Variants in SART3 observed in about 807,000 individuals in gnomAD.
SART3 encodes spliceosome associated factor 3, U4/U6 recycling protein.
In SART3, 44 loss-of-function variants were observed where a neutral mutation model predicts 122.3. The ratio of observed to expected loss-of-function variants is 0.36; its 90% CI spans 0.28 to 0.46. The LOEUF (loss-of-function observed/expected upper bound fraction) is 0.46. Among genes scored for constraint, SART3 ranks in the 20% least tolerant of loss-of-function variants. The pLI is 1.00. For missense variants in SART3, 1,101 were observed against 1,229.0 expected (o/e 0.90, Z 1.56); for synonymous variants, 442 against 454.0 (o/e 0.97, Z 0.34).
chr12:108,541,815 G>C (rs1021107482), intron 6 of SART3, among the ~76,000 whole-genome samples: 4 of 152,056 alleles, frequency 2.6e-5, no homozygotes, highest in African/African-American at 9.7e-5. Context: ...TGGGATTACA[G>C]GCATGAGCCA....
rs996083922 is a variant in SART3 at position 108,522,842 on chromosome 12, A to G, written c.*615T>C. ...AAACAGTCCACAGCAGGTGGCACAA[A>G]TAATTCCTATACAAAACAAATGTTG... On this transcript the variant is annotated 3_prime_UTR_variant, in exon 19 of 19. Transcript: ENST00000546815. 1 of 155,962 alleles carries G rather than the reference A, an allele frequency of 6.4e-6. No individual in the cohort carries two copies. Among genetic ancestry groups the G allele is most frequent in the African/African-American group, 2.4e-5 (1 of 41,482 alleles). 9.7% of individuals were successfully genotyped at this position (155,962 alleles called of 1,614,324 possible).
At chr12:108,529,942 T>C (rs1276173230) in intron 15 of SART3, among the ~76,000 whole-genome samples, 200 bp downstream of exon 15, 2 of 152,172 alleles carry the variant, frequency 1.3e-5, no homozygotes, top group African/African-American at 4.8e-5. Context: ...CCATAGCTCA[T>C]TGCTAACCCC....
chr12:108,536,366 G>A, intron 11 of SART3, 148 bp downstream of exon 11: 1 of 791,954 alleles, frequency 1.3e-6, no homozygotes, highest in Non-Finnish European at 2.2e-6. Context: ...GAATCCTTGT[G>A]GAGCCTAGAC....
chr12:108,560,064 C>T (rs2030426782), intron 1 of SART3, among the ~76,000 whole-genome samples: 1 of 152,174 alleles, frequency 6.6e-6, no homozygotes, highest in African/African-American at 2.4e-5. Context: ...ATTTCCCTAC[C>T]CACACCTTTA....
chr12:108,551,696 A>ATCC (rs1351245216), intron 1 of SART3, among the ~76,000 whole-genome samples: 1 of 152,196 alleles, frequency 6.6e-6, no homozygotes, highest in African/African-American at 2.4e-5. Context: ...CTGAAGCCAT[A>ATCC]TCCTTGGCCA....
intron 6 of SART3, chr12:108,542,657 G>T: frequency 2.9e-6 from 1 of 347,596 alleles, no homozygotes; most frequent in Non-Finnish European, 5.6e-6. Context: ...ATATATAAAA[G>T]TTCAAAAGCA....
chr12:108,540,211 C>T (rs913023243), intron 6 of SART3, among the ~76,000 whole-genome samples: 9 of 152,170 alleles, frequency 5.9e-5, no homozygotes, highest in African/African-American at 2.4e-5. Flanking sequence ...TTATACAAAC[C>T]GCTGACTTCT....
At position 108,549,160 on chromosome 12, in the gene SART3, T is replaced by A. The variant is rs774541010; in HGVS notation, c.367A>T (p.Arg123Trp). The A allele has an allele frequency of 6.2e-7, 1 of 1,614,208 alleles. No homozygotes were observed. The highest frequency in any genetic ancestry group is 2.2e-5 in the East Asian group (1 of 44,886). The change falls in exon 2 of 19, where the codon AGG becomes TGG. Residue 123 changes from arginine to tryptophan, a missense_variant. Arg to Trp is a moderately radical substitution (Grantham distance 101). Around this residue, in one of 2 missense-constraint regions of SART3, gnomAD observed 885 missense variants for 1,080.1 expected, o/e 0.82. Transcript: ENST00000546815. ...NCHVDLIRLL[R>W]LEGELTKVRM... The stretch of plus-strand genomic sequence containing the variant: ...ACCTTGGTAAGCTCCCCTTCCAGCC[T>A]GAGCAGTCTGATCAAGTCCACATGG...
intron 8 of SART3, 109 bp from the exon 9 acceptor site, chr12:108,537,704 A>G (rs1872978675): frequency 3.7e-6 from 3 of 811,092 alleles, no homozygotes; most frequent in Non-Finnish European, 4.2e-6. Flanking sequence ...AGACTAATAG[A>G]TGCAACAGAA....
intron 1 of SART3, among the ~76,000 whole-genome samples, chr12:108,552,740 A>T (rs750976468): frequency 5.3e-5 from 8 of 152,186 alleles, no homozygotes; most frequent in Non-Finnish European, 1.0e-4. Context: ...TGAAAAACTC[A>T]ACATAGTCAA....
Position 108,523,187 on chromosome 12 carries a change from C to A in SART3, c.*270G>T. On this transcript the variant is annotated 3_prime_UTR_variant, in exon 19 of 19. Coordinates refer to ENST00000546815, the MANE Select transcript of SART3 (RefSeq NM_014706.4). ...GTGTTCTCGTTTCGCTTCTGTGCCT[C>A]AGTCTTTAAGATACAAAACTATCTC... 1.8e-6 allele frequency: 1 copy of A among 557,456 alleles called. No individual in the cohort carries two copies. 34.5% of individuals were successfully genotyped at this position (557,456 alleles called of 1,614,324 possible).
chr12:108,539,371 A>G (rs959172852), intron 6 of SART3, among the ~76,000 whole-genome samples: 3 of 152,212 alleles, frequency 2.0e-5, no homozygotes, highest in Admixed American at 2.0e-4. Flanking sequence ...TCAATCAGGA[A>G]CTGAGTGAAA....
chr12:108,560,455 A>G (rs1476480664), intron 1 of SART3: 2 of 352,206 alleles, frequency 5.7e-6, no homozygotes, highest in Non-Finnish European at 1.0e-5. Flanking sequence ...ACAAAATAAC[A>G]CTCTCTTGCG....
intron 2 of SART3, among the ~76,000 whole-genome samples, chr12:108,548,274 T>C (rs182528332): frequency 2.6e-5 from 4 of 152,382 alleles, no homozygotes; most frequent in East Asian, 1.9e-4. Context: ...AGGTTGGTGA[T>C]AGTAACACTA....
chr12:108,558,737 T>C (rs57974072), intron 1 of SART3, among the ~76,000 whole-genome samples: 5,982 of 152,264 alleles, frequency 0.039, 147 homozygotes, highest in South Asian at 0.075. Flanking sequence ...AGCACACTTA[T>C]TTATAAAAAG....
At chr12:108,542,048 A>G (rs1873193770) in intron 6 of SART3, among the ~76,000 whole-genome samples, 1 of 119,500 alleles carries the variant, frequency 8.4e-6, no homozygotes. Flanking sequence ...GGGTTGTGCT[A>G]CGCTGCCAGG....
At chr12:108,554,032 C>A (rs2136694292) in intron 1 of SART3, 1 of 152,388 alleles carries the variant, frequency 6.6e-6, no homozygotes, top group East Asian at 1.9e-4. Context: ...CAGGGCTAGG[C>A]ACCTGCTGCT....
At chr12:108,525,939 TCA>T in intron 16 of SART3, 158 bp downstream of exon 16, 2 of 671,812 alleles carry the variant, frequency 3.0e-6, no homozygotes, top group Admixed American at 2.7e-5. Flanking sequence ...GAGTCAGACC[TCA>T]GTCAACCGGC....
At chr12:108,541,842 C>CT (rs1302207724) in intron 6 of SART3, among the ~76,000 whole-genome samples, 1 of 151,534 alleles carries the variant, frequency 6.6e-6, no homozygotes, top group African/African-American at 2.4e-5. Context: ...CCGGCCCAGA[C>CT]TTTTTTTTAA....
Sources: gnomAD v4.1 joint callset for allele counts (sites outside exome capture counted in the v4.1 genomes callset) on GRCh38, gnomAD v4.1.1 for gene constraint, gnomAD v4.1.1 regional missense constraint, MANE v1.5 for transcripts, NCBI Gene and HGNC (gene_info 2026-07-23, HGNC 2026-07-21) for gene names.